DNER: variants seen among roughly 807,000 people sequenced by gnomAD.
DNER encodes the protein delta and Notch-like epidermal growth factor-related receptor.
In DNER, 33 loss-of-function variants were observed where a neutral mutation model predicts 78.2. That is an observed-to-expected ratio of 0.42 (90% CI 0.32 to 0.56). The LOEUF is 0.56. DNER is among the 20% of genes least tolerant of loss of function. The pLI is 0.11. For synonymous variants in DNER, 417 were observed against 384.8 expected (o/e 1.08, Z -0.98); for missense variants, 918 against 975.3 (o/e 0.94, Z 0.78).
intron 11 of DNER, among the ~76,000 whole-genome samples, chr2:229,381,599 C>T (rs1000089007): frequency 1.3e-5 from 2 of 152,074 alleles, no homozygotes; most frequent in Admixed American, 6.6e-5. Context: ...GGGGGAGGGG[C>T]GTCCACCATT....
chr2:229,668,530 GTGTGTGTATATATATATATATA>G (rs1404778454), intron 1 of DNER, among the ~76,000 whole-genome samples: 3 of 5,508 alleles, frequency 5.4e-4, no homozygotes, highest in East Asian at 0.014. Flanking sequence ...GTGTGTGTGT[GTGTGTGTATATATATATATATA>G]TATATATATA....
intron 1 of DNER, among the ~76,000 whole-genome samples, chr2:229,616,494 T>G (rs1698165436): frequency 6.6e-6 from 1 of 152,114 alleles, no homozygotes; most frequent in Non-Finnish European, 1.5e-5. Flanking sequence ...ACATTACACG[T>G]TTTCTCAGCC....
At chr2:229,424,102 G>A (rs898567482) in intron 8 of DNER, among the ~76,000 whole-genome samples, 26 of 152,302 alleles carry the variant, frequency 1.7e-4, no homozygotes, top group African/African-American at 4.6e-4. Flanking sequence ...CTTTTAAAAT[G>A]TTTCCATGGT....
At chr2:229,532,296 A>G (rs1696318266) in intron 5 of DNER, among the ~76,000 whole-genome samples, 1 of 151,946 alleles carries the variant, frequency 6.6e-6, no homozygotes, top group Non-Finnish European at 1.5e-5. Context: ...CAAGACCTTC[A>G]TCTGTTAATT....
chr2:229,627,971 G>T (rs903304738), intron 1 of DNER, among the ~76,000 whole-genome samples: 4 of 152,308 alleles, frequency 2.6e-5, no homozygotes, highest in Non-Finnish European at 5.9e-5. Flanking sequence ...TTCCAATCAG[G>T]AGGTAGAGTC....
At chr2:229,686,840 G>A (rs995587535) in intron 1 of DNER, among the ~76,000 whole-genome samples, 31 of 152,348 alleles carry the variant, frequency 2.0e-4, no homozygotes, top group Non-Finnish European at 2.9e-4. Context: ...TGCTAGGGAA[G>A]AGGAGTCTTT....
intron 3 of DNER, chr2:229,586,895 G>A: frequency 1.0e-6 from 1 of 985,468 alleles, no homozygotes; most frequent in Non-Finnish European, 1.2e-6. Flanking sequence ...GCTCAGTAAA[G>A]CTTTGATCAG....
rs572397272 is a variant in DNER at position 229,649,046 on chromosome 2, A to C, written c.277-57158T>G. Among the ~76,000 whole-genome samples the C allele has an allele frequency of 5.9e-5, 9 of 152,306 alleles. No individual in the cohort carries two copies. The South Asian group carries it at 1.9e-3, about 32-fold the overall frequency. On this transcript the variant is annotated intron_variant, in intron 1 of 12. Transcript: ENST00000341772. ...ATGCTGTCCTGAAGTCACTACATTT[A>C]ACAGGTCACTGACCCTTGTAGTTCT...
intron 8 of DNER, among the ~76,000 whole-genome samples, chr2:229,438,882 T>C (rs1297230681): frequency 2.0e-5 from 3 of 152,208 alleles, no homozygotes; most frequent in Non-Finnish European, 4.4e-5. Flanking sequence ...AGAAAAATTT[T>C]TCAGTCAGTT....
chr2:229,702,536 C>T (rs557000525), intron 1 of DNER, among the ~76,000 whole-genome samples: 1 of 151,416 alleles, frequency 6.6e-6, no homozygotes, highest in Non-Finnish European at 1.5e-5. Context: ...ACCCTGTCAC[C>T]GAAAATAATA....
chr2:229,489,679 T>C (rs977393731), intron 6 of DNER, among the ~76,000 whole-genome samples: 1 of 151,622 alleles, frequency 6.6e-6, no homozygotes, highest in African/African-American at 2.4e-5. Flanking sequence ...GAAGGAGCCA[T>C]TGCTACCCAA....
At chr2:229,634,804 T>C (rs970109011) in intron 1 of DNER, among the ~76,000 whole-genome samples, 2 of 152,186 alleles carry the variant, frequency 1.3e-5, no homozygotes, top group Non-Finnish European at 2.9e-5. Flanking sequence ...AAGGAGGGGC[T>C]GCCTCCCTTG....
intron 1 of DNER, among the ~76,000 whole-genome samples, chr2:229,654,751 T>C (rs1346520224): frequency 6.6e-6 from 1 of 152,144 alleles, no homozygotes; most frequent in Non-Finnish European, 1.5e-5. Flanking sequence ...GATTCACACA[T>C]TTCAAATTTT....
chr2:229,590,567 G>A (rs1290895344), intron 2 of DNER, among the ~76,000 whole-genome samples: 1 of 152,094 alleles, frequency 6.6e-6, no homozygotes, highest in African/African-American at 2.4e-5. Context: ...TAAGAGGTGG[G>A]GCCTTTGAGA....
chr2:229,420,458 G>T (rs1355747697), intron 8 of DNER, among the ~76,000 whole-genome samples: 1 of 152,038 alleles, frequency 6.6e-6, no homozygotes, highest in Non-Finnish European at 1.5e-5. Context: ...TGCTTTTGTT[G>T]CCTGTACCTC....
chr2:229,469,293 C>T (rs1052117613), intron 7 of DNER, among the ~76,000 whole-genome samples: 3 of 152,180 alleles, frequency 2.0e-5, no homozygotes, highest in African/African-American at 7.2e-5. Context: ...GCAGAAAGAA[C>T]ATGAACTTCA....
At chr2:229,509,513 C>A (rs142411589) in intron 6 of DNER, among the ~76,000 whole-genome samples, 41 of 152,314 alleles carry the variant, frequency 2.7e-4, no homozygotes, top group African/African-American at 9.9e-4. Context: ...CTTAACAATC[C>A]TTTTAAAAAG....
At chr2:229,381,599 C>A (rs1000089007) in intron 11 of DNER, among the ~76,000 whole-genome samples, 1 of 152,074 alleles carries the variant, frequency 6.6e-6, no homozygotes, top group African/African-American at 2.4e-5. Flanking sequence ...GGGGGAGGGG[C>A]GTCCACCATT....
chr2:229,492,114 A>C (rs1322547036), intron 6 of DNER, among the ~76,000 whole-genome samples: 1 of 152,200 alleles, frequency 6.6e-6, no homozygotes, highest in African/African-American at 2.4e-5. Flanking sequence ...ACTTTGCTTC[A>C]TTCTCAATTG....
Sources: allele counts gnomAD v4.1 joint callset (sites outside exome capture counted in the v4.1 genomes callset), GRCh38; gene constraint gnomAD v4.1.1; transcripts MANE v1.5; gene names NCBI Gene and HGNC (gene_info 2026-07-23, HGNC 2026-07-21).